The following ZC3H18 variants were observed in gnomAD, a reference collection of about 807,000 sequenced individuals.
The protein encoded by ZC3H18 is zinc finger CCCH domain-containing protein 18.
Under a neutral mutation model 106.1 loss-of-function variants are expected in ZC3H18, and 8 were observed. The ratio of observed to expected loss-of-function variants is 0.08; its 90% CI spans 0.04 to 0.14. The LOEUF (loss-of-function observed/expected upper bound fraction) is 0.14, where lower values mean the gene tolerates loss of function less well. ZC3H18 is among the 10% of genes least tolerant of loss of function. The pLI is 1.00. For synonymous variants in ZC3H18, 635 were observed against 522.1 expected, an observed-to-expected ratio of 1.22 and a Z score of -2.95; for missense variants, 1,318 against 1,278.4, an observed-to-expected ratio of 1.03 and a Z score of -0.47.
At chr16:88,580,290 C>T (rs908850184) in intron 2 of ZC3H18, among the ~76,000 whole-genome samples, 1 of 151,324 alleles carries the variant, frequency 6.6e-6, no homozygotes, top group Non-Finnish European at 1.5e-5. Context: ...GGCTGGTTCC[C>T]CTATCTCCCT....
At chr16:88,576,983 G>A (rs1301786849) in intron 1 of ZC3H18, 127 bp from the exon 2 acceptor site, 8 of 900,234 alleles carry the variant, frequency 8.9e-6, no homozygotes, top group South Asian at 2.0e-5. Flanking sequence ...GTGGAGTGTG[G>A]GATTTGGGGC....
chr16:88,608,554 G>C (rs1905121534), intron 6 of ZC3H18: 1 of 155,924 alleles, frequency 6.4e-6, no homozygotes, highest in African/African-American at 2.4e-5. Flanking sequence ...GTAGAGAAGG[G>C]GTTTCTCCAT....
rs1904650700 is a variant in ZC3H18 at position 88,599,838 on chromosome 16, A to G, written c.978A>G (p.Glu326=). 6.2e-7 allele frequency: 1 copy of G among 1,614,084 alleles called. No individual in the cohort carries two copies. The highest frequency in any genetic ancestry group is 1.3e-5 in the African/African-American group (1 of 75,046). ...TIRKEQEPDF[E]EKRFTVTIGE... The stretch of plus-strand genomic sequence containing the variant: ...GAAAAGAACAGGAGCCTGATTTTGA[A>G]GAGAAAAGGTTTACGGTGACCATTG... The change falls in exon 6 of 18, where the codon GAA becomes GAG. Residue 326 remains glutamate (E), a synonymous_variant. Coordinates refer to ENST00000301011, the MANE Select transcript of ZC3H18 (RefSeq NM_144604.4).
At chr16:88,587,647 C>T (rs1397742769) in intron 3 of ZC3H18, 1 of 1,508,696 alleles carries the variant, frequency 6.6e-7, no homozygotes, top group South Asian at 1.2e-5. Flanking sequence ...CTCTTCAGTA[C>T]CTTAAAGTCC....
In ZC3H18 at chr16:88,577,294, G is replaced by C. The variant is rs761496439; in HGVS notation, c.171G>C (p.Gly57=). The C allele has an allele frequency of 3.4e-5, 55 of 1,612,636 alleles. No homozygotes were observed. The change falls in exon 2 of 18, where the codon GGG becomes GGC. Residue 57 remains glycine, a synonymous_variant. Transcript: ENST00000301011. Reference sequence around the variant, plus strand: ...AGGATGAGGAAAGTGCAGCCAGGGGGCCGAGCCAGGAGGAGGAAGATAATC... The same window carrying C: ...AGGATGAGGAAAGTGCAGCCAGGGGCCCGAGCCAGGAGGAGGAAGATAATC... ...DLEDEESAAR[G]PSQEEEDNHS...
intron 2 of ZC3H18, among the ~76,000 whole-genome samples, chr16:88,582,656 C>T (rs904093298): frequency 4.6e-5 from 7 of 152,202 alleles, no homozygotes; most frequent in Admixed American, 2.0e-4. Flanking sequence ...CCCGTAGCAT[C>T]AGTAGTAGGC....
Position 88,627,960 on chromosome 16 carries a change from G to C in ZC3H18, c.2310G>C (p.Arg770=). The C allele has an allele frequency of 6.2e-7, 1 of 1,614,128 alleles. No individual in the cohort carries two copies. Among genetic ancestry groups the C allele is most frequent in the Non-Finnish European group, 8.5e-7 (1 of 1,180,040 alleles). Reference sequence around the variant, plus strand: ...AAGACGGTGTTAAAGAGGAAAAGCGGAAAAGGGATTCGTCCACACAACCAC... The same window carrying C: ...AAGACGGTGTTAAAGAGGAAAAGCGCAAAAGGGATTCGTCCACACAACCAC... ...KKEDGVKEEK[R]KRDSSTQPPK... is the part of the protein sequence containing the mutation. The change falls in exon 15 of 18, where the codon CGG becomes CGC. Residue 770 remains arginine, a synonymous_variant. Transcript: ENST00000301011. This position sits in a 1 kb window ranked among gnomAD's most constrained non-coding sequence, Gnocchi z 4.5.
intron 8 of ZC3H18, among the ~76,000 whole-genome samples, chr16:88,621,698 C>G (rs1237703868): frequency 6.6e-6 from 1 of 152,108 alleles, no homozygotes; most frequent in African/African-American, 2.4e-5. Flanking sequence ...ACCATATTGG[C>G]CAGGCTGATC....
chr16:88,616,281 G>C (rs1905597564), intron 8 of ZC3H18, among the ~76,000 whole-genome samples: 1 of 152,094 alleles, frequency 6.6e-6, no homozygotes, highest in Non-Finnish European at 1.5e-5. Flanking sequence ...ACCAAACTGG[G>C]CCGAGCCGCT....
At chr16:88,580,517 G>A (rs1015903380) in intron 2 of ZC3H18, among the ~76,000 whole-genome samples, 2 of 152,146 alleles carry the variant, frequency 1.3e-5, no homozygotes, top group Non-Finnish European at 2.9e-5. Context: ...TCCTGTGCAT[G>A]AAGAGCTGCC....
Position 88,576,652 on chromosome 16 carries a change from G to A in ZC3H18, c.-14-458G>A, listed in dbSNP as rs1013583403. 2.0e-5 allele frequency among the ~76,000 whole-genome samples: 3 copies of A among 152,194 alleles called. No homozygotes were observed. In the East Asian group the frequency reaches 5.8e-4, roughly 29 times the overall value. ...CTGCCGAAGGCTGGCCCAGGTTCCT[G>A]CTTCAGGATGACTCCAGAAAAATGG... On this transcript the variant is annotated intron_variant, in intron 1 of 17. Transcript: ENST00000301011.
At chr16:88,605,452 C>T (rs1033137971) in intron 6 of ZC3H18, among the ~76,000 whole-genome samples, 2 of 152,236 alleles carry the variant, frequency 1.3e-5, no homozygotes, top group Admixed American at 6.5e-5. Context: ...CAGGGGGCTG[C>T]GTCGCTGCTC....
At chr16:88,591,558 C>T (rs532724594) in intron 3 of ZC3H18, among the ~76,000 whole-genome samples, 1 of 150,324 alleles carries the variant, frequency 6.7e-6, no homozygotes, top group African/African-American at 2.5e-5. Context: ...GGCAACAGAA[C>T]GAGACTCCGT....
At chr16:88,579,613 C>T (rs1914986081) in intron 2 of ZC3H18, among the ~76,000 whole-genome samples, 1 of 152,174 alleles carries the variant, frequency 6.6e-6, no homozygotes, top group Non-Finnish European at 1.5e-5. Context: ...CCTGGACATG[C>T]TGGTTTCCCC....
chr16:88,630,281 G>T, intron 16 of ZC3H18: 1 of 532,744 alleles, frequency 1.9e-6, no homozygotes. Flanking sequence ...CCCAGGTTTG[G>T]CCTCAGCCTC....
intron 11 of ZC3H18, 124 bp from the exon 12 acceptor site, chr16:88,624,478 G>A (rs1400792545): frequency 1.4e-5 from 19 of 1,330,566 alleles, no homozygotes; most frequent in African/African-American, 8.7e-5. Flanking sequence ...AGGCACGAGC[G>A]TGCTCACCGA....
intron 3 of ZC3H18, among the ~76,000 whole-genome samples, chr16:88,594,647 A>T (rs920074846): frequency 1.1e-4 from 16 of 152,338 alleles, no homozygotes; most frequent in South Asian, 6.2e-4. Flanking sequence ...ATGCTCAGGT[A>T]AAAGGGGGCA....
Position 88,624,047 on chromosome 16 carries a change from C to CTCCAGCCCCACCACAG in ZC3H18, c.1883_1884insTCCAGCCCCACCACAG (p.Gly630AlafsTer69). 6.2e-7 allele frequency: 1 copy of CTCCAGCCCCACCACAG among 1,612,414 alleles called. No individual in the cohort carries two copies. The highest frequency in any genetic ancestry group is 1.1e-5 in the South Asian group (1 of 90,764). On this transcript the variant is annotated frameshift_variant, in exon 11 of 18. Coordinates refer to ENST00000301011, the MANE Select transcript of ZC3H18 (RefSeq NM_144604.4). LOFTEE classifies it high-confidence loss of function. Reference sequence around the variant, plus strand: ...AGAACCAAGGGAGAGCCGGCCCCGCCGCCCGGGAAAGCAGGGTGAGTGCCC... The same window carrying CTCCAGCCCCACCACAG: ...AGAACCAAGGGAGAGCCGGCCCCGCCTCCAGCCCCACCACAGGCCCGGGAAAGCAGGGTGAGTGCCC...
intron 3 of ZC3H18, among the ~76,000 whole-genome samples, chr16:88,597,784 T>G (rs976676182): frequency 6.6e-6 from 1 of 152,252 alleles, no homozygotes; most frequent in Non-Finnish European, 1.5e-5. Flanking sequence ...CATTGATGTC[T>G]GTTTCGGCAC....
Sources: allele counts gnomAD v4.1 joint callset (sites outside exome capture counted in the v4.1 genomes callset), GRCh38; gene constraint gnomAD v4.1.1; non-coding constraint Gnocchi (gnomAD v3.1); transcripts MANE v1.5; gene names NCBI Gene and HGNC (gene_info 2026-07-23, HGNC 2026-07-21).